The following PARP6 variants were observed in gnomAD, a reference collection of about 807,000 sequenced individuals.
PARP6 encodes the protein poly(ADP-ribose) polymerase family member 6, also known as protein mono-ADP-ribosyltransferase PARP6.
Under a neutral mutation model 92.0 loss-of-function variants are expected in PARP6, and 27 were observed. That is an observed-to-expected ratio of 0.29 (90% confidence interval 0.22 to 0.40). PARP6 has a LOEUF of 0.40. Ranked by LOEUF, PARP6 falls within the 10% of genes least tolerant of loss-of-function variation. PARP6 has a pLI of 1.00. For synonymous variants in PARP6, 272 were observed against 281.2 expected, an observed-to-expected ratio of 0.97 and a Z score of 0.33; for missense variants, 501 against 784.5, an observed-to-expected ratio of 0.64 and a Z score of 4.32.
intron 3 of PARP6, 42 bp downstream of exon 3, chr15:72,267,433 C>G (rs748373431): frequency 6.2e-7 from 1 of 1,608,868 alleles, no homozygotes; most frequent in African/African-American, 1.3e-5. Flanking sequence ...TCTCCTCTAC[C>G]CTTTGAACAA....
At chr15:72,268,762 C>G (rs1051557908) in intron 2 of PARP6, among the ~76,000 whole-genome samples, 2 of 152,152 alleles carry the variant, frequency 1.3e-5, no homozygotes, top group African/African-American at 4.8e-5. Context: ...GTTGTCATTG[C>G]CAAAATAATG....
At chr15:72,264,220 C>T (rs2086267924) in intron 8 of PARP6, among the ~76,000 whole-genome samples, 1 of 152,112 alleles carries the variant, frequency 6.6e-6, no homozygotes, top group African/African-American at 2.4e-5. Flanking sequence ...TCAACACATT[C>T]AATAAACTAG....
In PARP6 at chr15:72,257,363, C is replaced by T. The variant is rs1446272928; in HGVS notation, c.984G>A (p.Val328=). The T allele has an allele frequency of 8.7e-6, 14 of 1,613,656 alleles. No homozygotes were observed. Among genetic ancestry groups the T allele is most frequent in the South Asian group, 1.1e-5 (1 of 91,054 alleles). The part of the protein sequence containing the change: ...LGVMSGAAEE[V]ATGAEVVDLL... ...TCCCCCATACCTCTGCTCCAGTGGC[C>T]ACCTCCTCTGCAGCTCCAGACATGA... is the stretch of plus-strand genomic sequence containing the variant. Residue 328 remains valine (V), a synonymous_variant, in exon 13 of 24, where the codon GTG becomes GTA. Coordinates refer to ENST00000569795, the MANE Select transcript of PARP6 (RefSeq NM_001323532.2).
intron 20 of PARP6, among the ~76,000 whole-genome samples, chr15:72,247,877 G>C (rs2083821593): frequency 6.6e-6 from 1 of 151,870 alleles, no homozygotes; most frequent in Non-Finnish European, 1.5e-5. Context: ...CTGCCTCCTG[G>C]GTTCAAGCGA....
intron 14 of PARP6, among the ~76,000 whole-genome samples, chr15:72,256,014 G>T (rs915137131): frequency 5.3e-5 from 8 of 151,132 alleles, no homozygotes; most frequent in Admixed American, 2.6e-4. Context: ...AGCCAGGATG[G>T]TCTCGATCTC....
rs759895397 is a variant in PARP6, at chr15:72,256,603, G to GA, written c.1000-14dup. ...GCAGATCCACCACCTTAGGGGAAAG[G>GA]AAAAAAAACAGGGCAGAAGCTAAAT... On this transcript the variant is annotated splice_polypyrimidine_tract_variant and intron_variant, in intron 13 of 23. Coordinates refer to ENST00000569795, the MANE Select transcript of PARP6 (RefSeq NM_001323532.2). The GA allele has an allele frequency of 8.0e-5, 121 of 1,512,776 alleles. No homozygotes were observed. The highest frequency in any genetic ancestry group is 3.3e-4 in the Admixed American group (14 of 41,972). The allele number at this position is 1,512,776 out of a possible 1,614,324, so 93.7% of individuals were successfully genotyped here. A position where few individuals can be genotyped will look rare whatever the true frequency, so the allele number is the denominator to read the frequency against.
At chr15:72,263,622 A>G (rs990621055) in intron 8 of PARP6, among the ~76,000 whole-genome samples, 6 of 151,840 alleles carry the variant, frequency 4.0e-5, no homozygotes, top group Non-Finnish European at 7.4e-5. Flanking sequence ...ATATTTAACT[A>G]CCTGAAGCTC....
intron 11 of PARP6, 70 bp from the exon 12 acceptor site, chr15:72,258,202 T>G: frequency 8.3e-7 from 1 of 1,209,288 alleles, no homozygotes; most frequent in South Asian, 1.2e-5. Context: ...TAATTTCAGC[T>G]TTTTTTTCCA....
chr15:72,241,274 G>A lies in PARP6; in HGVS notation c.*181C>T, dbSNP rs1044151. The A allele has an allele frequency of 2.0e-5, 14 of 692,858 alleles. No individual in the cohort carries two copies. The highest frequency in any genetic ancestry group is 3.2e-5 in the Non-Finnish European group (12 of 378,054). The allele number at this position is 692,858 out of a possible 1,614,324, so 42.9% of individuals were successfully genotyped here. ...GGGATGGAGTCAGTCTGGGCCATCC[G>A]AATGTGGAGTAGTTCTTGGGTCAAG... On this transcript the variant is annotated 3_prime_UTR_variant, in exon 24 of 24. Coordinates refer to ENST00000569795, the MANE Select transcript of PARP6 (RefSeq NM_001323532.2). This position sits in a 1 kb window ranked among gnomAD's most constrained non-coding sequence, Gnocchi z 4.1.
In PARP6 at chr15:72,255,188, T is replaced by C. The variant is rs546796666; in HGVS notation, c.1126-668A>G. Among the ~76,000 whole-genome samples the C allele has an allele frequency of 2.0e-4, 30 of 152,208 alleles. No individual in the cohort carries two copies. The South Asian group carries it at 6.0e-3, about 31-fold the overall frequency. On this transcript the variant is annotated intron_variant, in intron 14 of 23. Transcript: ENST00000569795. The stretch of plus-strand genomic sequence containing the variant: ...CTTTGGATTTGAACTAAAAAAAAAA[T>C]TGGCTCTTCTTGGATGTTAAGCCTT...
chr15:72,241,382 G>T lies in PARP6; in HGVS notation c.*73C>A. The T allele has an allele frequency of 1.9e-6, 2 of 1,049,964 alleles. No individual in the cohort carries two copies. Among genetic ancestry groups the T allele is most frequent in the Non-Finnish European group, 3.0e-6 (2 of 672,166 alleles). The allele number at this position is 1,049,964 out of a possible 1,614,324, so 65.0% of individuals were successfully genotyped here. A position where few individuals can be genotyped will look rare whatever the true frequency, so the allele number is the denominator to read the frequency against. ...TTGATTCCTCAGGGCAGCCTCAGCT[G>T]CTGTACCTGAACACTTTTATGAGGG... On this transcript the variant is annotated 3_prime_UTR_variant, in exon 24 of 24. Coordinates refer to ENST00000569795, the MANE Select transcript of PARP6 (RefSeq NM_001323532.2). The surrounding 1 kb of genome is among the most constrained non-coding windows in gnomAD (Gnocchi z 4.1).
intron 2 of PARP6, among the ~76,000 whole-genome samples, chr15:72,268,929 T>C (rs74956631): frequency 0.017 from 2,523 of 152,302 alleles, 90 homozygotes; most frequent in African/African-American, 0.059. Context: ...CAGCAACTTT[T>C]AGCTCCATTA....
At chr15:72,255,784 C>CTTTTT (rs67560148) in intron 14 of PARP6, among the ~76,000 whole-genome samples, 2 of 92,810 alleles carry the variant, frequency 2.2e-5, no homozygotes, top group African/African-American at 7.9e-5. Flanking sequence ...TTACTTCTCT[C>CTTTTT]TTTTTTTTTT....
At chr15:72,268,515 G>C (rs2086905734) in intron 2 of PARP6, among the ~76,000 whole-genome samples, 1 of 152,156 alleles carries the variant, frequency 6.6e-6, no homozygotes, top group Non-Finnish European at 1.5e-5. Flanking sequence ...CCTGACCAAT[G>C]GGGTGAAACC....
chr15:72,247,708 G>C (rs951267421), intron 20 of PARP6, among the ~76,000 whole-genome samples: 1 of 151,872 alleles, frequency 6.6e-6, no homozygotes, highest in South Asian at 2.1e-4. Context: ...TGTCAGATTT[G>C]TTATCTTTTT....
chr15:72,267,750 C>G, intron 2 of PARP6, 79 bp from the exon 3 acceptor site: 1 of 399,250 alleles, frequency 2.5e-6, no homozygotes, highest in Non-Finnish European at 4.5e-6. Context: ...ACGTATTTAT[C>G]AATACACTTT....
chr15:72,243,999 G>A (rs991134888), intron 20 of PARP6: 1 of 152,162 alleles, frequency 6.6e-6, no homozygotes, highest in Non-Finnish European at 1.5e-5. Context: ...CAAGTCTCGT[G>A]ACAGATTTAG....
At chr15:72,264,021 CAA>C (rs34865114) in intron 8 of PARP6, among the ~76,000 whole-genome samples, 105 of 96,316 alleles carry the variant, frequency 1.1e-3, no homozygotes, top group Admixed American at 1.0e-3. Context: ...ACTCTGTCTC[CAA>C]AAAAAAAAAA....
intron 20 of PARP6, among the ~76,000 whole-genome samples, chr15:72,246,896 A>G (rs1355002330): frequency 6.6e-6 from 1 of 151,798 alleles, no homozygotes; most frequent in Admixed American, 6.6e-5. Flanking sequence ...CTAGGATTAC[A>G]GGCATGTGCC....
Sources: allele counts gnomAD v4.1 joint callset (sites outside exome capture counted in the v4.1 genomes callset), GRCh38; gene constraint gnomAD v4.1.1; non-coding constraint Gnocchi (gnomAD v3.1); transcripts MANE v1.5; gene names NCBI Gene and HGNC (gene_info 2026-07-23, HGNC 2026-07-21).